Variants in PTP4A2 observed in about 807,000 individuals in gnomAD.
The protein encoded by PTP4A2 is protein tyrosine phosphatase 4A2.
PTP4A2 carries 2 observed loss-of-function variants against 22.9 expected under a neutral mutation model. The observed-to-expected ratio is 0.09, with a 90% CI of 0.04 to 0.27. The LOEUF is 0.27. PTP4A2 is among the 10% of genes least tolerant of loss of function. PTP4A2 has a pLI of 1.00. For synonymous variants in PTP4A2, 68 were observed against 69.1 expected (o/e 0.98, Z 0.08); for missense variants, 103 against 205.1 (o/e 0.50, Z 3.04).
At chr1:31,912,665 T>G (rs1651599876) in intron 3 of PTP4A2, among the ~76,000 whole-genome samples, 1 of 152,188 alleles carries the variant, frequency 6.6e-6, no homozygotes, top group Non-Finnish European at 1.5e-5. Flanking sequence ...GCTGACATTT[T>G]ACAAGCCTTC....
chr1:31,915,577 T>A (rs1651786198), intron 3 of PTP4A2: 1 of 184,090 alleles, frequency 5.4e-6, no homozygotes, highest in Non-Finnish European at 1.1e-5. Context: ...TTTCCCTCTG[T>A]CACCCAGGCT....
At position 31,908,709 on chromosome 1, in the gene PTP4A2, T is replaced by A; in HGVS notation, c.*143A>T. On this transcript the variant is annotated 3_prime_UTR_variant, in exon 6 of 6. Transcript: ENST00000647444. ...GAGATTTCTTTTTTGTTTGCTTTTG[T>A]TCCAATCATTAGGAGAGTGGTTGAG... is the stretch of plus-strand genomic sequence containing the variant. 2.0e-6 allele frequency: 1 copy of A among 503,156 alleles called. No individual in the cohort carries two copies. The highest frequency in any genetic ancestry group is 3.6e-6 in the Non-Finnish European group (1 of 280,748). The allele number at this position is 503,156 out of a possible 1,614,324, so 31.2% of individuals were successfully genotyped here.
intron 2 of PTP4A2, among the ~76,000 whole-genome samples, chr1:31,916,417 A>C (rs528415247): frequency 6.6e-6 from 1 of 151,644 alleles, no homozygotes; most frequent in Admixed American, 6.6e-5. Flanking sequence ...TCATTTTTAG[A>C]CAAAGATCAG....
chr1:31,915,740 A>G (rs1651797004), intron 3 of PTP4A2, 155 bp downstream of exon 3: 1 of 569,694 alleles, frequency 1.8e-6, no homozygotes, highest in African/African-American at 1.9e-5. Context: ...AGATCTCGCC[A>G]CATTGCCCAG....
chr1:31,923,917 C>T (rs1652325543), intron 1 of PTP4A2: 1 of 152,140 alleles, frequency 6.6e-6, no homozygotes, highest in Admixed American at 6.5e-5. Context: ...AACTCTGCGA[C>T]CTTAAAATAA....
At chr1:31,912,773 C>T (rs894263393) in intron 3 of PTP4A2, among the ~76,000 whole-genome samples, 1 of 152,114 alleles carries the variant, frequency 6.6e-6, no homozygotes, top group Non-Finnish European at 1.5e-5. Flanking sequence ...GATAAGGACA[C>T]TTTAAGATAT....
At chr1:31,928,820 T>C (rs1652597514) in intron 1 of PTP4A2, among the ~76,000 whole-genome samples, 1 of 152,082 alleles carries the variant, frequency 6.6e-6, no homozygotes, top group Non-Finnish European at 1.5e-5. Context: ...TAATCAGTTC[T>C]ATAAAAAGAA....
At chr1:31,913,864 T>C (rs1333679983) in intron 3 of PTP4A2, 24 of 456,212 alleles carry the variant, frequency 5.3e-5, no homozygotes, top group Non-Finnish European at 6.2e-5. Context: ...AAGTTGATTT[T>C]TGCTCACTAG....
chr1:31,935,773 A>G (rs1203626826), intron 1 of PTP4A2: 1 of 152,178 alleles, frequency 6.6e-6, no homozygotes, highest in Non-Finnish European at 1.5e-5. Flanking sequence ...ACAGGAGGAA[A>G]TTAATACTAA....
chr1:31,908,912 T>G lies in PTP4A2; in HGVS notation c.444A>C (p.Lys148Asn), dbSNP rs1174115417. The G allele has an allele frequency of 5.6e-6, 9 of 1,614,136 alleles. No homozygotes were observed. The highest frequency in any genetic ancestry group is 2.2e-5 in the East Asian group (1 of 44,870). Residue 148 changes from lysine (K) to asparagine (N), a missense_variant, in exon 6 of 6, where the codon AAA (lysine) becomes AAC (asparagine). Around this residue, in one of 3 missense-constraint regions of PTP4A2, gnomAD observed 35 missense variants for 64.5 expected, o/e 0.54. Coordinates refer to ENST00000647444, the MANE Select transcript of PTP4A2 (RefSeq NM_080391.4). ...AGCGTAATCGCATCTTAGGTCGGTA[T>G]TTCTCCAAATAAAGCAGCTGTTTGG... ...FNSKQLLYLE[K>N]YRPKMRLRFR... is the part of the protein sequence containing the mutation.
chr1:31,907,980 C>T lies in PTP4A2; in HGVS notation c.*872G>A, dbSNP rs1651266633. Reference sequence around the variant, plus strand: ...TTGAGAAGAGACTCCTCTTAAAATGCCATTTCTCCACTAATTTATCAAAAT... The same window carrying T: ...TTGAGAAGAGACTCCTCTTAAAATGTCATTTCTCCACTAATTTATCAAAAT... On this transcript the variant is annotated 3_prime_UTR_variant, in exon 6 of 6. Transcript: ENST00000647444. 6.7e-6 allele frequency: 1 copy of T among 150,094 alleles called. No individual in the cohort carries two copies. Among genetic ancestry groups the T allele is most frequent in the Non-Finnish European group, 1.5e-5 (1 of 67,638 alleles). The allele number at this position is 150,094 out of a possible 1,614,324, so 9.3% of individuals were successfully genotyped here. A position where few individuals can be genotyped will look rare whatever the true frequency, so the allele number is the denominator to read the frequency against.
At chr1:31,931,499 G>A (rs1652726004) in intron 1 of PTP4A2, among the ~76,000 whole-genome samples, 1 of 152,088 alleles carries the variant, frequency 6.6e-6, no homozygotes, top group Non-Finnish European at 1.5e-5. Context: ...CATATTTATG[G>A]GCCTCCCCTG....
At chr1:31,928,855 T>C (rs1441018874) in intron 1 of PTP4A2, among the ~76,000 whole-genome samples, 5 of 152,042 alleles carry the variant, frequency 3.3e-5, no homozygotes, top group African/African-American at 1.2e-4. Flanking sequence ...GGTGGGAAAA[T>C]GTCTTAACAT....
intron 1 of PTP4A2, chr1:31,921,764 C>T (rs948774110): frequency 6.6e-6 from 1 of 152,154 alleles, no homozygotes; most frequent in Non-Finnish European, 1.5e-5. Context: ...CAGGAAGAAA[C>T]TGAAATATAT....
chr1:31,914,729 G>A (rs1283172099), intron 3 of PTP4A2, among the ~76,000 whole-genome samples: 1 of 152,110 alleles, frequency 6.6e-6, no homozygotes, highest in Non-Finnish European at 1.5e-5. Flanking sequence ...CTACAACTTA[G>A]ACAACTACTT....
At chr1:31,911,048 A>G (rs1009136018) in intron 4 of PTP4A2, 8 of 152,258 alleles carry the variant, frequency 5.3e-5, no homozygotes, top group Non-Finnish European at 1.0e-4. Flanking sequence ...CCTTCAGGAT[A>G]AGGACTAAAA....
chr1:31,916,187 A>G (rs1651823342), intron 2 of PTP4A2, among the ~76,000 whole-genome samples, 200 bp from the exon 3 acceptor site: 1 of 151,732 alleles, frequency 6.6e-6, no homozygotes, highest in Non-Finnish European at 1.5e-5. Context: ...TCTATTAAAA[A>G]TACAAAGATC....
At chr1:31,936,521 A>G (rs747104877) in intron 1 of PTP4A2, among the ~76,000 whole-genome samples, 4 of 152,222 alleles carry the variant, frequency 2.6e-5, no homozygotes, top group African/African-American at 4.8e-5. Flanking sequence ...ACCAACTTCT[A>G]GGAGACATTA....
intron 2 of PTP4A2, among the ~76,000 whole-genome samples, chr1:31,917,497 C>A (rs1651908129): frequency 6.6e-6 from 1 of 152,120 alleles, no homozygotes; most frequent in Non-Finnish European, 1.5e-5. Context: ...AATAGCCATT[C>A]ATTGAAAAGT....
Sources: allele counts gnomAD v4.1 joint callset (sites outside exome capture counted in the v4.1 genomes callset), GRCh38; gene constraint gnomAD v4.1.1; regional missense constraint gnomAD v4.1.1; transcripts MANE v1.5; gene names NCBI Gene and HGNC (gene_info 2026-07-23, HGNC 2026-07-21).